The following OPHN1 variants were observed in gnomAD, a reference collection of about 807,000 sequenced individuals.
The protein encoded by OPHN1 is oligophrenin-1.
Under a neutral mutation model 60.7 loss-of-function variants are expected in OPHN1, and 11 were observed. The observed-to-expected ratio is 0.18, with a 90% CI of 0.11 to 0.30. The LOEUF (loss-of-function observed/expected upper bound fraction) is 0.30, where lower values mean the gene tolerates loss of function less well. Among genes scored for constraint, OPHN1 ranks in the 10% least tolerant of loss-of-function variants. OPHN1 has a pLI of 1.00. For synonymous variants in OPHN1, 226 were observed against 222.6 expected, an observed-to-expected ratio of 1.02 and a Z score of -0.14; for missense variants, 449 against 611.0, an observed-to-expected ratio of 0.73 and a Z score of 2.80.
At chrX:68,157,745 C>T (rs1414933940) in intron 15 of OPHN1, among the ~76,000 whole-genome samples, 2 of 111,560 alleles carry the variant, frequency 1.8e-5, no homozygotes, top group Admixed American at 9.5e-5. Context: ...AAAAAGTCTA[C>T]TTTGTGCATG....
intron 3 of OPHN1, among the ~76,000 whole-genome samples, chrX:68,284,162 G>A (rs901066585): frequency 9.0e-6 from 1 of 111,513 alleles, no homozygotes; most frequent in Non-Finnish European, 1.9e-5. Flanking sequence ...TAAAGGAAAT[G>A]TGACAAATAT....
intron 18 of OPHN1, among the ~76,000 whole-genome samples, chrX:68,098,936 A>G (rs761795626): frequency 2.7e-5 from 3 of 111,435 alleles, no homozygotes; most frequent in Non-Finnish European, 5.6e-5. Context: ...TCATATGGCA[A>G]GGCAGAGATT....
rs1163304135 is a variant in OPHN1 at position 68,416,033 on chromosome X, AAT to A, written c.154+16832_154+16833del. 5.4e-3 allele frequency among the ~76,000 whole-genome samples: 161 copies of A among 29,653 alleles called. 2 individuals are homozygous for A. The highest frequency in any genetic ancestry group is 0.028 in the Admixed American group (57 of 2,071). 25.8% of individuals were successfully genotyped at this position (29,653 alleles called of 115,157 possible). A position where few individuals can be genotyped will look rare whatever the true frequency, so the allele number is the denominator to read the frequency against. On this transcript the variant is annotated intron_variant, in intron 2 of 24. Coordinates refer to ENST00000355520, the MANE Select transcript of OPHN1 (RefSeq NM_002547.3). ...CCGTCTCAAAAAAAAAAAATTATAT[AAT>A]ATATATATATATATATATATATATA...
chrX:68,311,347 G>T (rs1004404105), intron 2 of OPHN1, among the ~76,000 whole-genome samples: 4 of 111,931 alleles, frequency 3.6e-5, no homozygotes, highest in African/African-American at 1.3e-4. Context: ...ATTTAAAAGG[G>T]CAATTCACGT....
chrX:68,400,218 T>A (rs1411903555), intron 2 of OPHN1, among the ~76,000 whole-genome samples: 1 of 111,741 alleles, frequency 8.9e-6, no homozygotes, highest in Non-Finnish European at 1.9e-5. Context: ...GTGGAGTATA[T>A]TTTTGTTTTC....
At chrX:68,412,849 C>T (rs1018939150) in intron 2 of OPHN1, among the ~76,000 whole-genome samples, 3 of 111,432 alleles carry the variant, frequency 2.7e-5, no homozygotes, top group Middle Eastern at 4.2e-3. Flanking sequence ...GGGAAGAATG[C>T]GACTAAATAT....
At chrX:68,371,725 T>C (rs2078529976) in intron 2 of OPHN1, among the ~76,000 whole-genome samples, 1 of 111,793 alleles carries the variant, frequency 8.9e-6, no homozygotes, top group African/African-American at 3.2e-5. Flanking sequence ...TCTCAGAATG[T>C]ATCCCCGTTT....
intron 19 of OPHN1, among the ~76,000 whole-genome samples, chrX:68,091,956 T>C (rs1327707017): frequency 9.1e-6 from 1 of 110,153 alleles, no homozygotes; most frequent in African/African-American, 3.3e-5. Flanking sequence ...CTTTCCAACT[T>C]AAAAAAGAAA....
chrX:68,397,730 C>T (rs766758931), intron 2 of OPHN1, among the ~76,000 whole-genome samples: 1 of 108,355 alleles, frequency 9.2e-6, no homozygotes, highest in African/African-American at 3.3e-5. Context: ...ACCACGTTGG[C>T]CAGGTTGATC....
intron 6 of OPHN1, among the ~76,000 whole-genome samples, chrX:68,217,218 G>A (rs943408813): frequency 8.9e-6 from 1 of 112,087 alleles, no homozygotes; most frequent in African/African-American, 3.2e-5. Context: ...GCGCTTTTCC[G>A]ACGGGCTTAA....
rs1426054967 is a variant in OPHN1 at position 68,283,337 on chromosome X, TATTTA to T, written c.251-225_251-221del. On this transcript the variant is annotated intron_variant, in intron 3 of 24. Coordinates refer to ENST00000355520, the MANE Select transcript of OPHN1 (RefSeq NM_002547.3). ...TCAATCCCCATACACTTTAATATTT[TATTTA>T]ATCCTTACAGCCACTCAGGAGTAGC... 5.4e-5 allele frequency among the ~76,000 whole-genome samples: 6 copies of T among 111,773 alleles called. No individual in the cohort carries two copies. The East Asian group carries it at 1.4e-3, about 26-fold the overall frequency.
intron 5 of OPHN1, among the ~76,000 whole-genome samples, chrX:68,260,771 T>C (rs1188567783): frequency 1.8e-5 from 2 of 111,726 alleles, no homozygotes; most frequent in East Asian, 5.6e-4. Flanking sequence ...TAATGCACTC[T>C]GGTAGCCATT....
intron 17 of OPHN1, chrX:68,112,428 T>C: frequency 8.3e-6 from 1 of 120,006 alleles, no homozygotes. Context: ...TCCACCTTCC[T>C]TGTGGTACTG....
chrX:68,118,569 T>C (rs937569852), intron 16 of OPHN1, among the ~76,000 whole-genome samples: 4 of 112,134 alleles, frequency 3.6e-5, no homozygotes, highest in African/African-American at 1.3e-4. Flanking sequence ...TAAAGTATGA[T>C]ACATACTATG....
At chrX:68,278,053 C>A (rs1334815046) in intron 4 of OPHN1, among the ~76,000 whole-genome samples, 1 of 111,616 alleles carries the variant, frequency 9.0e-6, no homozygotes, top group Non-Finnish European at 1.9e-5. Context: ...CATGTTTGAC[C>A]CCAGTTCAGT....
chrX:68,164,458 A>G (rs917216388), intron 15 of OPHN1, among the ~76,000 whole-genome samples: 2 of 112,336 alleles, frequency 1.8e-5, no homozygotes, highest in Non-Finnish European at 3.8e-5. Context: ...TTGGGTGACT[A>G]GGTGCATTGC....
intron 2 of OPHN1, among the ~76,000 whole-genome samples, chrX:68,334,598 C>T (rs899681367): frequency 9.0e-6 from 1 of 111,564 alleles, no homozygotes; most frequent in African/African-American, 3.3e-5. Context: ...GTATAAATTC[C>T]AATACAATTC....
chrX:68,238,810 C>A (rs1374809015), intron 5 of OPHN1, among the ~76,000 whole-genome samples: 1 of 111,133 alleles, frequency 9.0e-6, no homozygotes, highest in African/African-American at 3.3e-5. Context: ...GGGCTTTAAC[C>A]CCAAGGCAGC....
intron 5 of OPHN1, among the ~76,000 whole-genome samples, chrX:68,259,544 AGTAGTAGCAAACATTT>A (rs2077883225): frequency 8.9e-6 from 1 of 112,101 alleles, no homozygotes; most frequent in African/African-American, 3.2e-5. Context: ...TATGAAAATC[AGTAGTAGCAAACATTT>A]GTATGTTATG....
Sources: allele counts gnomAD v4.1 joint callset (sites outside exome capture counted in the v4.1 genomes callset), GRCh38; gene constraint gnomAD v4.1.1; transcripts MANE v1.5; gene names NCBI Gene and HGNC (gene_info 2026-07-23, HGNC 2026-07-21).